INO80D: variants seen among roughly 807,000 people sequenced by gnomAD.
INO80D encodes INO80 complex subunit D.
Under a neutral mutation model 87.6 loss-of-function variants are expected in INO80D, and 21 were observed. The observed-to-expected ratio is 0.24, with a 90% confidence interval of 0.17 to 0.35. The LOEUF is 0.35. Among genes scored for constraint, INO80D ranks in the 10% least tolerant of loss-of-function variants. INO80D has a pLI of 1.00. For synonymous variants in INO80D, 440 were observed against 491.0 expected (o/e 0.90, Z 1.37); for missense variants, 982 against 1,280.7 (o/e 0.77, Z 3.56).
chr2:206,014,618 G>A (rs1198272613), intron 8 of INO80D, among the ~76,000 whole-genome samples: 1 of 152,084 alleles, frequency 6.6e-6, no homozygotes, highest in South Asian at 2.1e-4. Flanking sequence ...GTGGAACTGT[G>A]AATCCAATTA....
intron 1 of INO80D, among the ~76,000 whole-genome samples, chr2:206,071,726 T>C (rs1018285344): frequency 3.3e-5 from 5 of 151,796 alleles, no homozygotes; most frequent in Non-Finnish European, 7.4e-5. Context: ...ACAATACTTC[T>C]GTTGTCTTCT....
At chr2:206,013,848 T>TA (rs34453361) in intron 8 of INO80D, among the ~76,000 whole-genome samples, 20,438 of 117,788 alleles carry the variant, frequency 0.17, 2,004 homozygotes, top group South Asian at 0.24. Flanking sequence ...TGAGTAAGCT[T>TA]AAAAAAAAAA....
chr2:206,017,546 CTT>C (rs902620723), intron 8 of INO80D, 132 bp downstream of exon 8: 2 of 632,352 alleles, frequency 3.2e-6, no homozygotes, highest in African/African-American at 3.7e-5. Context: ...TAAAATGTAT[CTT>C]AAGGGAATAA....
rs942250909 is a variant in INO80D at position 205,999,841 on chromosome 2, T to C, written c.*4527A>G. Reference sequence around the variant, plus strand: ...CATGATTCTGGTTTCCTCCAGAATATAGGAAAATGTATAAAGATGTTAAGA... The same window carrying C: ...CATGATTCTGGTTTCCTCCAGAATACAGGAAAATGTATAAAGATGTTAAGA... On this transcript the variant is annotated 3_prime_UTR_variant, in exon 11 of 11. Transcript: ENST00000403263. 3 of 152,322 alleles carry C rather than the reference T, an allele frequency of 2.0e-5. No homozygotes were observed. The highest frequency in any genetic ancestry group is 2.9e-5 in the Non-Finnish European group (2 of 68,022). The allele number at this position is 152,322 out of a possible 1,614,324, so 9.4% of individuals were successfully genotyped here.
intron 8 of INO80D, among the ~76,000 whole-genome samples, chr2:206,010,021 T>C (rs568726223): frequency 4.2e-4 from 64 of 152,126 alleles, no homozygotes; most frequent in Non-Finnish European, 7.5e-4. Context: ...CATTTTACCA[T>C]TGCGGTCAGC....
chr2:206,083,531 C>T (rs1282751342), intron 1 of INO80D, among the ~76,000 whole-genome samples: 1 of 152,064 alleles, frequency 6.6e-6, no homozygotes, highest in African/African-American at 2.4e-5. Context: ...GTATCAGATC[C>T]ATACAATCTC....
intron 7 of INO80D, among the ~76,000 whole-genome samples, chr2:206,019,400 G>A (rs1688400346): frequency 1.3e-5 from 2 of 152,174 alleles, no homozygotes; most frequent in Non-Finnish European, 2.9e-5. Context: ...TTTAAATAAT[G>A]TGATTTGATT....
At chr2:206,010,278 T>TC (rs1688137469) in intron 8 of INO80D, among the ~76,000 whole-genome samples, 1 of 151,646 alleles carries the variant, frequency 6.6e-6, no homozygotes, top group African/African-American at 2.4e-5. Flanking sequence ...TTTTTTTTTT[T>TC]CCCTGTAAGG....
chr2:206,035,918 G>C (rs1688880441), intron 5 of INO80D, among the ~76,000 whole-genome samples: 1 of 152,032 alleles, frequency 6.6e-6, no homozygotes, highest in Admixed American at 6.5e-5. Context: ...GTGGGCTACG[G>C]ACATGAATAG....
At chr2:206,021,836 ACTC>A (rs906074768) in intron 6 of INO80D, among the ~76,000 whole-genome samples, 3 of 148,978 alleles carry the variant, frequency 2.0e-5, no homozygotes, top group African/African-American at 7.4e-5. Context: ...CTGGTCTTGA[ACTC>A]CTGACCTCAG....
chr2:206,019,576 A>C (rs1323051161), intron 7 of INO80D, among the ~76,000 whole-genome samples, 160 bp downstream of exon 7: 4 of 152,362 alleles, frequency 2.6e-5, no homozygotes, highest in African/African-American at 9.6e-5. Flanking sequence ...AACAAGAAAA[A>C]TTATTCAGAG....
intron 5 of INO80D, among the ~76,000 whole-genome samples, chr2:206,034,304 A>C (rs777402751): frequency 6.6e-6 from 1 of 152,222 alleles, no homozygotes; most frequent in Non-Finnish European, 1.5e-5. Context: ...AGAAAACCAC[A>C]GACCGATATC....
At chr2:206,042,178 T>C (rs970818795) in intron 5 of INO80D, among the ~76,000 whole-genome samples, 1 of 152,006 alleles carries the variant, frequency 6.6e-6, no homozygotes, top group South Asian at 2.1e-4. Context: ...GTATTAAAAT[T>C]TGTGGGACAC....
Position 206,005,392 on chromosome 2 carries a change from T to A in INO80D, c.2060A>T (p.Asp687Val). The change falls in exon 11 of 11, where the codon GAT becomes GTT. Residue 687 changes from aspartate (D) to valine (V), a missense_variant. Transcript: ENST00000403263. ...SDGVPVQELSDRGIGVFSTGT... is the reference protein window; with the variant it reads ...SDGVPVQELSVRGIGVFSTGT... ...TGTGGAGAACACCCCTATTCCTCTATCTGACAACTCCTGGACTGGCACACC... is the reference window on the plus strand; with the variant it reads ...TGTGGAGAACACCCCTATTCCTCTAACTGACAACTCCTGGACTGGCACACC... 1 of 1,613,974 alleles carries A rather than the reference T, an allele frequency of 6.2e-7. No homozygotes were observed. The highest frequency in any genetic ancestry group is 8.5e-7 in the Non-Finnish European group (1 of 1,179,898).
chr2:206,084,240 T>TACACACACAC (rs111836331), intron 1 of INO80D, among the ~76,000 whole-genome samples: 23 of 135,124 alleles, frequency 1.7e-4, no homozygotes, highest in Non-Finnish European at 3.2e-4. Context: ...ATGTTATACA[T>TACACACACAC]ACACACACAC....
intron 3 of INO80D, among the ~76,000 whole-genome samples, chr2:206,058,704 A>G (rs929198070): frequency 6.6e-6 from 1 of 152,218 alleles, no homozygotes; most frequent in Admixed American, 6.5e-5. Flanking sequence ...ACTGCATTCC[A>G]GCCTGAGAGA....
intron 5 of INO80D, among the ~76,000 whole-genome samples, chr2:206,036,931 T>A (rs1688910885): frequency 6.6e-6 from 1 of 152,176 alleles, no homozygotes; most frequent in Non-Finnish European, 1.5e-5. Flanking sequence ...TGCAAGGACA[T>A]AATTTAGAAC....
chr2:206,056,132 G>T, intron 4 of INO80D, 66 bp downstream of exon 4: 2 of 1,454,170 alleles, frequency 1.4e-6, no homozygotes, highest in Non-Finnish European at 9.3e-7. Flanking sequence ...TGAAAGGGAA[G>T]CTCCACACAA....
At chr2:206,020,370 C>A (rs1193007232) in intron 6 of INO80D, among the ~76,000 whole-genome samples, 1 of 152,128 alleles carries the variant, frequency 6.6e-6, no homozygotes, top group Non-Finnish European at 1.5e-5. Flanking sequence ...TATAGTATTA[C>A]ACAGTAAACA....
Sources: gnomAD v4.1 joint callset for allele counts (sites outside exome capture counted in the v4.1 genomes callset) on GRCh38, gnomAD v4.1.1 for gene constraint, MANE v1.5 for transcripts, NCBI Gene and HGNC (gene_info 2026-07-23, HGNC 2026-07-21) for gene names.